Variants in RBM42 observed in about 807,000 individuals in gnomAD.
RBM42 encodes the protein RNA-binding protein 42.
A neutral mutation model predicts 41.4 loss-of-function variants in RBM42; 21 were observed. The ratio of observed to expected loss-of-function variants is 0.51; its 90% CI spans 0.36 to 0.73. The LOEUF (loss-of-function observed/expected upper bound fraction) is 0.73. Among genes scored for constraint, RBM42 ranks in the 30% least tolerant of loss-of-function variants. The pLI is 0.00. For synonymous variants in RBM42, 272 were observed against 271.2 expected, an observed-to-expected ratio of 1.00 and a Z score of -0.03; for missense variants, 539 against 680.4, an observed-to-expected ratio of 0.79 and a Z score of 2.31.
Position 35,629,182 on chromosome 19 carries a change from T to C in RBM42, c.29T>C (p.Leu10Pro). ...GCTGGGGCGGGGCCAGCCCCGGGAC[T>C]CCCGGGTGCAGGAGGACCCGTGGTC... MAGAGPAPG[L>P]PGAGGPVVPG... Residue 10 changes from leucine (L) to proline (P), a missense_variant, in exon 1 of 10, where the codon CTC becomes CCC. By Grantham distance (98) the Leu-to-Pro change is moderately conservative. Coordinates refer to ENST00000262633, the MANE Select transcript of RBM42 (RefSeq NM_024321.5). 6.6e-7 allele frequency: 1 copy of C among 1,526,706 alleles called. No homozygotes were observed. The highest frequency in any genetic ancestry group is 8.8e-7 in the Non-Finnish European group (1 of 1,141,124). The allele number at this position is 1,526,706 out of a possible 1,614,324, so 94.6% of individuals were successfully genotyped here. A position where few individuals can be genotyped will look rare whatever the true frequency, so the allele number is the denominator to read the frequency against.
intron 7 of RBM42, 65 bp downstream of exon 7, chr19:35,634,084 T>C (rs1167337309): frequency 1.2e-5 from 18 of 1,481,086 alleles, no homozygotes; most frequent in Non-Finnish European, 1.5e-5. Context: ...CCCAGGAACT[T>C]CCACACAGAC....
chr19:35,632,788 G>T (rs2146350547), intron 4 of RBM42, 148 bp from the exon 5 acceptor site: 1 of 615,190 alleles, frequency 1.6e-6, no homozygotes, highest in East Asian at 2.9e-5. Flanking sequence ...CAGGGGAGAG[G>T]CCCCCACATC....
At chr19:35,629,762 C>A in intron 2 of RBM42, 89 bp downstream of exon 2, 1 of 1,389,418 alleles carries the variant, frequency 7.2e-7, no homozygotes, top group Non-Finnish European at 9.9e-7. Flanking sequence ...GACGTTTTGG[C>A]TTGTTGACTA....
At position 35,637,333 on chromosome 19, in the gene RBM42, C is replaced by T. The variant is rs143700030; in HGVS notation, c.1311C>T (p.Arg437=). 1.9e-3 allele frequency: 2,987 copies of T among 1,614,236 alleles called. 6 individuals are homozygous for T. Among genetic ancestry groups the T allele is most frequent in the Non-Finnish European group, 2.3e-3 (2,757 of 1,180,038 alleles). Reference sequence around the variant, plus strand: ...TCAAGGACCCCAGCGACTACGTGCGCGCCATGCGTGAGATGAATGGTGGGT... The same window carrying T: ...TCAAGGACCCCAGCGACTACGTGCGTGCCATGCGTGAGATGAATGGTGGGT... ...VSFKDPSDYV[R]AMREMNGKYV... is the part of the protein sequence containing the mutation. Residue 437 remains arginine (R), a synonymous_variant, in exon 9 of 10, where the codon CGC becomes CGT. Coordinates refer to ENST00000262633, the MANE Select transcript of RBM42 (RefSeq NM_024321.5). This position sits in a 1 kb window ranked among gnomAD's most constrained non-coding sequence, Gnocchi z 7.0.
rs757384080 is a variant in RBM42 at position 35,635,332 on chromosome 19, GAA to G, written c.1135+962_1135+963del. On this transcript the variant is annotated intron_variant, in intron 8 of 9. Coordinates refer to ENST00000262633, the MANE Select transcript of RBM42 (RefSeq NM_024321.5). ...TCCATCTCAAAAAAAAAAAAAAAAA[GAA>G]AAGAGATACTTTTTGCATATCATAA... Among the ~76,000 whole-genome samples, 434 of 143,036 alleles carry G rather than the reference GAA, an allele frequency of 3.0e-3. 1 individual carries two copies. The highest frequency in any genetic ancestry group is 9.1e-3 in the South Asian group (40 of 4,408). 93.8% of individuals were successfully genotyped at this position (143,036 alleles called of 152,430 possible).
rs1321693886 is a variant in RBM42 at position 35,633,870 on chromosome 19, A to G, written c.868A>G (p.Met290Val). The G allele has an allele frequency of 1.3e-6, 2 of 1,591,348 alleles. No individual in the cohort carries two copies. Among genetic ancestry groups the G allele is most frequent in the Non-Finnish European group, 1.7e-6 (2 of 1,172,604 alleles). Residue 290 changes from methionine to valine, a missense_variant, in exon 7 of 10, where the codon ATG becomes GTG. Around this residue, in one of 2 missense-constraint regions of RBM42, gnomAD observed 429 missense variants for 488.9 expected, o/e 0.88. Coordinates refer to ENST00000262633, the MANE Select transcript of RBM42 (RefSeq NM_024321.5). ...GCCCAGCCTGCCGCTGGCCCTGGCC[A>G]TGCCATTGCCCGAGCCTGAGCCCCT... ...IGPSLPLALAMPLPEPEPLPL... is the reference protein window; with the variant it reads ...IGPSLPLALAVPLPEPEPLPL...
Position 35,633,984 on chromosome 19 carries a change from C to G in RBM42, c.982C>G (p.Arg328Gly). Residue 328 changes from arginine (R) to glycine (G), a missense_variant, in exon 7 of 10, where the codon CGG (arginine) becomes GGG (glycine). Transcript: ENST00000262633. ...LSLRPRPRPP[R>G]PEPPPGLMAL... ...CCTGCGTCCTCGGCCCCGGCCCCCT[C>G]GGCCAGAGCCACCCCCAGGCCTCAT... 6.5e-7 allele frequency: 1 copy of G among 1,533,072 alleles called. No individual in the cohort carries two copies. 95.0% of individuals were successfully genotyped at this position (1,533,072 alleles called of 1,614,324 possible). A position where few individuals can be genotyped will look rare whatever the true frequency, so the allele number is the denominator to read the frequency against.
At chr19:35,629,746 G>C in intron 2 of RBM42, 73 bp downstream of exon 2, 1 of 1,523,446 alleles carries the variant, frequency 6.6e-7, no homozygotes, top group Non-Finnish European at 8.9e-7. Context: ...TGTACAGAGA[G>C]CTGTTGACGT....
intron 2 of RBM42, among the ~76,000 whole-genome samples, chr19:35,630,184 C>T (rs752659382): frequency 1.4e-4 from 21 of 151,908 alleles, no homozygotes; most frequent in Middle Eastern, 6.9e-3. Context: ...TGTGGTGGCA[C>T]GTGCCTGTAG....
chr19:35,632,983 C>T lies in RBM42; in HGVS notation c.490C>T (p.His164Tyr), dbSNP rs774808683. 8.7e-6 allele frequency: 14 copies of T among 1,610,194 alleles called. No homozygotes were observed. Among genetic ancestry groups the T allele is most frequent in the Non-Finnish European group, 1.2e-5 (14 of 1,176,828 alleles). ...TATCCTGCGTCCAGCCTTCGTCCCC[C>T]ACGTGCTACAGAGAGCAGGTGAGGG... is the stretch of plus-strand genomic sequence containing the variant. ...APILRPAFVP[H>Y]VLQRADSALS... The change falls in exon 5 of 10, where the codon CAC becomes TAC. Residue 164 changes from histidine to tyrosine, a missense_variant. Physicochemically the swap from His to Tyr is moderately conservative, Grantham distance 83. Coordinates refer to ENST00000262633, the MANE Select transcript of RBM42 (RefSeq NM_024321.5).
rs559032301 is a variant in RBM42 at position 35,631,051 on chromosome 19, G to T, written c.283-89G>T. The stretch of plus-strand genomic sequence containing the variant: ...TAGCCAGCCACATACAGAGCACAAA[G>T]CATGAAGCTCTTGGTCTCTTGGGGT... On this transcript the variant is annotated intron_variant, in intron 2 of 9. Transcript: ENST00000262633. 6.0e-6 allele frequency: 7 copies of T among 1,160,338 alleles called. No individual in the cohort carries two copies. The East Asian group carries it at 1.6e-4, about 27-fold the overall frequency. 71.9% of individuals were successfully genotyped at this position (1,160,338 alleles called of 1,614,324 possible). A position where few individuals can be genotyped will look rare whatever the true frequency, so the allele number is the denominator to read the frequency against.
Position 35,629,059 on chromosome 19 carries a change from G to A in RBM42, c.-95G>A. 1 of 1,441,542 alleles carries A rather than the reference G, an allele frequency of 6.9e-7. No homozygotes were observed. 89.3% of individuals were successfully genotyped at this position (1,441,542 alleles called of 1,614,324 possible). ...TCGCTTTTGCTGGACGTCATCCTCG[G>A]GAGCCCACCCGGACGAAGGGGGAGA... On this transcript the variant is annotated 5_prime_UTR_variant, in exon 1 of 10. Transcript: ENST00000262633.
rs775768308 is a variant in RBM42 at position 35,633,985 on chromosome 19, G to A, written c.983G>A (p.Arg328Gln). 7.2e-6 allele frequency: 11 copies of A among 1,532,456 alleles called. No homozygotes were observed. The highest frequency in any genetic ancestry group is 1.4e-5 in the African/African-American group (1 of 72,724). The allele number at this position is 1,532,456 out of a possible 1,614,324, so 94.9% of individuals were successfully genotyped here. A position where few individuals can be genotyped will look rare whatever the true frequency, so the allele number is the denominator to read the frequency against. Reference sequence around the variant, plus strand: ...CTGCGTCCTCGGCCCCGGCCCCCTCGGCCAGAGCCACCCCCAGGCCTCATG... The same window carrying A: ...CTGCGTCCTCGGCCCCGGCCCCCTCAGCCAGAGCCACCCCCAGGCCTCATG... ...LSLRPRPRPP[R>Q]PEPPPGLMAL... is the part of the protein sequence containing the mutation. The change falls in exon 7 of 10, where the codon CGG becomes CAG. Residue 328 changes from arginine to glutamine, a missense_variant. Around this residue, in one of 2 missense-constraint regions of RBM42, gnomAD observed 429 missense variants for 488.9 expected, o/e 0.88. Coordinates refer to ENST00000262633, the MANE Select transcript of RBM42 (RefSeq NM_024321.5).
chr19:35,631,420 A>T lies in RBM42; in HGVS notation c.442+15A>T. 6.2e-7 allele frequency: 1 copy of T among 1,612,774 alleles called. No individual in the cohort carries two copies. The highest frequency in any genetic ancestry group is 8.5e-7 in the Non-Finnish European group (1 of 1,178,990). ...GCGGCGGGCAGGTGAGTCTGGGGCC[A>T]GGGACCCCCACATTTAATCAGGCAC... On this transcript the variant is annotated intron_variant, in intron 4 of 9. Coordinates refer to ENST00000262633, the MANE Select transcript of RBM42 (RefSeq NM_024321.5).
At chr19:35,631,106 G>A (rs1389723823) in intron 2 of RBM42, 34 bp from the exon 3 acceptor site, 2 of 1,596,676 alleles carry the variant, frequency 1.3e-6, no homozygotes, top group Admixed American at 1.7e-5. Context: ...GGAATGCTGA[G>A]TCAGGCCCCT....
Position 35,631,419 on chromosome 19 carries a change from C to T in RBM42, c.442+14C>T. On this transcript the variant is annotated intron_variant, in intron 4 of 9. Transcript: ENST00000262633. Reference sequence around the variant, plus strand: ...TGCGGCGGGCAGGTGAGTCTGGGGCCAGGGACCCCCACATTTAATCAGGCA... The same window carrying T: ...TGCGGCGGGCAGGTGAGTCTGGGGCTAGGGACCCCCACATTTAATCAGGCA... The T allele has an allele frequency of 6.2e-7, 1 of 1,612,782 alleles. No homozygotes were observed. The highest frequency in any genetic ancestry group is 8.5e-7 in the Non-Finnish European group (1 of 1,178,962).
chr19:35,631,606 C>G, intron 4 of RBM42: 1 of 599,230 alleles, frequency 1.7e-6, no homozygotes, highest in South Asian at 2.0e-5. Flanking sequence ...ACCAACCCTC[C>G]TGCTGTCAGT....
chr19:35,630,505 C>G (rs781432603), intron 2 of RBM42, among the ~76,000 whole-genome samples: 1 of 152,078 alleles, frequency 6.6e-6, no homozygotes, highest in Non-Finnish European at 1.5e-5. Flanking sequence ...CGGTTGCTCA[C>G]GCCTGTAATC....
rs769037741 is a variant in RBM42 at position 35,637,118 on chromosome 19, G to A, written c.1136-40G>A. On this transcript the variant is annotated intron_variant, in intron 8 of 9. Transcript: ENST00000262633. This position sits in a 1 kb window ranked among gnomAD's most constrained non-coding sequence, Gnocchi z 7.0. ...TCAGACAAGGTAGACACTGGGCAAGGCCTCTGCATCCTCTGATGTCATCTC... is the reference window on the plus strand; with the variant it reads ...TCAGACAAGGTAGACACTGGGCAAGACCTCTGCATCCTCTGATGTCATCTC... The A allele has an allele frequency of 1.3e-6, 2 of 1,558,290 alleles. No individual in the cohort carries two copies. The highest frequency in any genetic ancestry group is 2.3e-5 in the East Asian group (1 of 42,784).
Sources: allele counts gnomAD v4.1 joint callset (sites outside exome capture counted in the v4.1 genomes callset), GRCh38; gene constraint gnomAD v4.1.1; regional missense constraint gnomAD v4.1.1; non-coding constraint Gnocchi (gnomAD v3.1); transcripts MANE v1.5; gene names NCBI Gene and HGNC (gene_info 2026-07-23, HGNC 2026-07-21).